ADGB: variants seen among roughly 807,000 people sequenced by gnomAD.
ADGB encodes the protein calpain-7-like protein.
A neutral mutation model predicts 210.5 loss-of-function variants in ADGB; 172 were observed. The ratio of observed to expected loss-of-function variants is 0.82; its 90% confidence interval spans 0.72 to 0.93. The LOEUF (loss-of-function observed/expected upper bound fraction) is 0.93, where lower values mean the gene tolerates loss of function less well. Ranked by LOEUF, ADGB falls within the 40% of genes least tolerant of loss-of-function variation. The pLI, the probability that ADGB is intolerant of heterozygous loss-of-function variation, is 0.00. For synonymous variants in ADGB, 658 were observed against 662.7 expected (o/e 0.99, Z 0.11); for missense variants, 2,025 against 1,964.8 (o/e 1.03, Z -0.58).
intron 1 of ADGB, among the ~76,000 whole-genome samples, chr6:146,625,712 A>G (rs528751423): frequency 6.6e-6 from 1 of 152,080 alleles, no homozygotes; most frequent in Non-Finnish European, 1.5e-5. Context: ...TAAAGCTTCC[A>G]GAAGCCAAAC....
At chr6:146,784,932 T>A in intron 31 of ADGB, 138 bp downstream of exon 31, 1 of 860,442 alleles carries the variant, frequency 1.2e-6, no homozygotes, top group East Asian at 2.7e-5. Context: ...AGGCATTGAA[T>A]AACTACGTTA....
In ADGB at chr6:146,729,734, C is replaced by T. The variant is rs545510793; in HGVS notation, c.2520+993C>T. Reference sequence around the variant, plus strand: ...TCTGGGGTTAGAGGCATCAGCATTGCGCCTGGCCAACATGGGATACTTGTT... The same window carrying T: ...TCTGGGGTTAGAGGCATCAGCATTGTGCCTGGCCAACATGGGATACTTGTT... On this transcript the variant is annotated intron_variant, in intron 20 of 35. Transcript: ENST00000397944. Among the ~76,000 whole-genome samples the T allele has an allele frequency of 1.7e-3, 258 of 152,258 alleles. 2 individuals carry two copies. Among genetic ancestry groups the T allele is most frequent in the African/African-American group, 4.1e-3 (170 of 41,550 alleles).
At chr6:146,752,779 T>A (rs1048619480) in intron 27 of ADGB, 65 bp downstream of exon 27, 1 of 1,366,634 alleles carries the variant, frequency 7.3e-7, no homozygotes, top group Admixed American at 3.1e-5. Context: ...TTCATGACAC[T>A]TTAAAAATGA....
At chr6:146,771,118 A>C (rs2114633258) in intron 29 of ADGB, among the ~76,000 whole-genome samples, 1 of 152,176 alleles carries the variant, frequency 6.6e-6, no homozygotes, top group East Asian at 2.0e-4. Context: ...TCTCAAGCCG[A>C]ATACGCCCGA....
chr6:146,668,254 A>G (rs1425206191), intron 7 of ADGB, among the ~76,000 whole-genome samples: 2 of 152,108 alleles, frequency 1.3e-5, no homozygotes, highest in Non-Finnish European at 2.9e-5. Context: ...TCTACAGTAC[A>G]GTTATCAACC....
intron 4 of ADGB, among the ~76,000 whole-genome samples, chr6:146,655,964 G>C (rs190199794): frequency 5.9e-5 from 9 of 152,238 alleles, no homozygotes; most frequent in Admixed American, 5.9e-4. Context: ...AGATACTACT[G>C]AGGTAACAAT....
chr6:146,728,601 CTG>C lies in ADGB; in HGVS notation c.2382_2383del (p.Leu795AspfsTer11), dbSNP rs771780355. 3.2e-6 allele frequency: 5 copies of C among 1,551,500 alleles called. No individual in the cohort carries two copies. The highest frequency in any genetic ancestry group is 1.4e-5 in the African/African-American group (1 of 73,030). On this transcript the variant is annotated frameshift_variant, in exon 20 of 36. Transcript: ENST00000397944. LOFTEE classifies it high-confidence loss of function. The stretch of plus-strand genomic sequence containing the variant: ...GAGCTGCCGATTTACGGAACAGTCT[CTG>C]TTGATTATGAAAGCTATTGGAAATG... ...PESCRFTEQSLLIMKAIGNVI... is the reference protein window; with the variant it reads ...PESCRFTEQSXLIMKAIGNVI...
intron 1 of ADGB, among the ~76,000 whole-genome samples, chr6:146,608,224 T>A (rs970130431): frequency 6.6e-6 from 1 of 152,062 alleles, no homozygotes; most frequent in Non-Finnish European, 1.5e-5. Flanking sequence ...TTGTGGTTTT[T>A]TTTTGTATTT....
At chr6:146,664,369 A>AT (rs1336605159) in intron 6 of ADGB, 29 bp downstream of exon 6, 1 of 1,515,454 alleles carries the variant, frequency 6.6e-7, no homozygotes, top group South Asian at 1.3e-5. Flanking sequence ...ACTCACATGA[A>AT]TAAAAAAAGC....
At chr6:146,611,017 A>C (rs1047775211) in intron 1 of ADGB, among the ~76,000 whole-genome samples, 2 of 152,092 alleles carry the variant, frequency 1.3e-5, no homozygotes, top group South Asian at 4.1e-4. Flanking sequence ...CACATATACA[A>C]GCACATTGGT....
rs62434402 is a variant in ADGB, at chr6:146,813,809, T to A, written c.4819-1223T>A. ...AGTAAATGCAGCAGATAGTATTTTA[T>A]CCCCATTTCCTCCCTAACTCAGACA... On this transcript the variant is annotated intron_variant, in intron 35 of 35. Transcript: ENST00000397944. Among the ~76,000 whole-genome samples, 1,189 of 152,324 alleles carry A rather than the reference T, an allele frequency of 7.8e-3. 15 individuals carry two copies. The highest frequency in any genetic ancestry group is 0.056 in the East Asian group (290 of 5,180).
intron 23 of ADGB, among the ~76,000 whole-genome samples, chr6:146,738,819 C>T (rs930112911): frequency 1.3e-5 from 2 of 151,972 alleles, no homozygotes; most frequent in African/African-American, 4.8e-5. Context: ...GAGAACAGAC[C>T]CTCTTATACA....
chr6:146,606,339 G>T (rs1780629170), intron 1 of ADGB, among the ~76,000 whole-genome samples: 1 of 152,086 alleles, frequency 6.6e-6, no homozygotes, highest in Admixed American at 6.5e-5. Context: ...CTTCAATTCT[G>T]TAGGGTGTTC....
At chr6:146,701,639 C>T (rs758552585) in intron 13 of ADGB, among the ~76,000 whole-genome samples, 1 of 151,936 alleles carries the variant, frequency 6.6e-6, no homozygotes, top group Non-Finnish European at 1.5e-5. Context: ...CCTTTACGTG[C>T]TATGGCTCCC....
At chr6:146,609,882 A>AT (rs984068905) in intron 1 of ADGB, among the ~76,000 whole-genome samples, 3 of 151,984 alleles carry the variant, frequency 2.0e-5, no homozygotes, top group Non-Finnish European at 4.4e-5. Context: ...TGGTTGGTAG[A>AT]TTTTTTATTA....
intron 23 of ADGB, among the ~76,000 whole-genome samples, chr6:146,738,438 C>CTTTTTTTTTTTTTT (rs71031008): frequency 1.4e-5 from 1 of 71,332 alleles, no homozygotes; most frequent in African/African-American, 4.9e-5. Context: ...CCCATTTCAT[C>CTTTTTTTTTTTTTT]TTTTTTTTTT....
At chr6:146,664,493 C>CA (rs1258131578) in intron 6 of ADGB, 153 bp downstream of exon 6, 1 of 704,266 alleles carries the variant, frequency 1.4e-6, no homozygotes, top group East Asian at 3.2e-5. Flanking sequence ...TCAAATACGC[C>CA]AAAACCACTG....
intron 25 of ADGB, among the ~76,000 whole-genome samples, chr6:146,744,648 AT>A (rs996676701): frequency 5.9e-5 from 9 of 151,828 alleles, no homozygotes; most frequent in Admixed American, 1.3e-4. Context: ...TGTTTGCTCT[AT>A]TTTTTTTCAT....
intron 29 of ADGB, among the ~76,000 whole-genome samples, chr6:146,773,791 G>A (rs1387197613): frequency 2.6e-5 from 4 of 152,190 alleles, no homozygotes; most frequent in African/African-American, 9.6e-5. Context: ...TGTCATAATA[G>A]TACTGGTGGT....
Sources: gnomAD v4.1 joint callset for allele counts (sites outside exome capture counted in the v4.1 genomes callset) on GRCh38, gnomAD v4.1.1 for gene constraint, MANE v1.5 for transcripts, NCBI Gene and HGNC (gene_info 2026-07-23, HGNC 2026-07-21) for gene names.